SLC9A6: variants seen among roughly 807,000 people sequenced by gnomAD.
SLC9A6 encodes the protein sodium/hydrogen exchanger 6.
SLC9A6 carries 6 observed loss-of-function variants against 45.3 expected under a neutral mutation model. The ratio of observed to expected loss-of-function variants is 0.13; its 90% CI spans 0.07 to 0.26. The LOEUF is 0.26. Ranked by LOEUF, SLC9A6 falls within the 10% of genes least tolerant of loss-of-function variation. SLC9A6 has a pLI of 1.00. For missense variants in SLC9A6, 278 were observed against 503.7 expected (o/e 0.55, Z 4.29); for synonymous variants, 191 against 187.7 (o/e 1.02, Z -0.14).
intron 2 of SLC9A6, among the ~76,000 whole-genome samples, chrX:135,986,038 C>G (rs1232205556): frequency 9.1e-6 from 1 of 109,311 alleles, no homozygotes; most frequent in Non-Finnish European, 1.9e-5. Flanking sequence ...CCTCTCCACA[C>G]CTTTTTCGCT....
At chrX:135,998,306 CT>C (rs2089534024) in intron 4 of SLC9A6, 121 bp downstream of exon 4, 1 of 570,873 alleles carries the variant, frequency 1.8e-6, no homozygotes, top group Non-Finnish European at 2.9e-6. Flanking sequence ...TCTCCTTATC[CT>C]TTTTAGATGC....
intron 3 of SLC9A6, among the ~76,000 whole-genome samples, 195 bp downstream of exon 3, chrX:135,995,180 T>G (rs1347801158): frequency 8.9e-6 from 1 of 112,455 alleles, no homozygotes; most frequent in Admixed American, 9.4e-5. Context: ...TGATTGAGGT[T>G]AAGTAGTATA....
At position 136,033,478 on chromosome X, in the gene SLC9A6, A is replaced by T; in HGVS notation, c.1646A>T (p.Tyr549Phe). 8.6e-7 allele frequency: 1 copy of T among 1,164,180 alleles called. No homozygotes were observed. Among genetic ancestry groups the T allele is most frequent in the Non-Finnish European group, 1.2e-6 (1 of 857,319 alleles). ...AGTGCTTGGCTTTTCCGGATGTGGT[A>T]CAACTTTGATCATAAGTATCCTTAA... ...AESAWLFRMW[Y>F]NFDHNYLKPL... Residue 549 changes from tyrosine (Y) to phenylalanine (F), a missense_variant, in exon 16 of 18, where the codon TAC (tyrosine) becomes TTC (phenylalanine). Around this residue, in one of 5 missense-constraint regions of SLC9A6, gnomAD observed 91 missense variants for 125.1 expected, o/e 0.73. Coordinates refer to ENST00000630721, the MANE Select transcript of SLC9A6 (RefSeq NM_001379110.1).
intron 6 of SLC9A6, among the ~76,000 whole-genome samples, chrX:136,001,436 T>C (rs958608747): frequency 4.5e-5 from 5 of 111,111 alleles, no homozygotes; most frequent in Admixed American, 9.7e-5. Flanking sequence ...TGTGACTTAG[T>C]AATTAAAGTT....
intron 16 of SLC9A6, among the ~76,000 whole-genome samples, chrX:136,039,694 C>T (rs1448731915): frequency 8.9e-6 from 1 of 112,155 alleles, no homozygotes; most frequent in African/African-American, 3.2e-5. Context: ...TCTCCCTTAT[C>T]TCCTGTAGTG....
rs1264299738 is a variant in SLC9A6, at chrX:135,994,802, T to C, written c.186T>C (p.Leu62=). Residue 62 remains leucine, a synonymous_variant, in exon 3 of 18, where the codon CTT becomes CTC. Coordinates refer to ENST00000630721, the MANE Select transcript of SLC9A6 (RefSeq NM_001379110.1). The part of the protein sequence containing the change: ...LAMIYGLLVG[L]VLRYGIHVPS... ...TTTTTCCAGGTCTTTTGGTGGGCCT[T>C]GTGCTTCGGTATGGCATTCATGTTC... The C allele has an allele frequency of 5.8e-6, 7 of 1,209,629 alleles. No individual in the cohort carries two copies. Among genetic ancestry groups the C allele is most frequent in the Non-Finnish European group, 7.8e-6 (7 of 895,075 alleles).
chrX:136,013,557 G>T (rs2070963556), intron 10 of SLC9A6, 120 bp downstream of exon 10: 1 of 497,913 alleles, frequency 2.0e-6, no homozygotes, highest in Non-Finnish European at 3.3e-6. Flanking sequence ...ACTCATTTTG[G>T]CTCCTCTTCC....
upstream of SLC9A6, among the ~76,000 whole-genome samples, chrX:135,984,965 C>T (rs782789141): frequency 9.1e-6 from 1 of 109,782 alleles, no homozygotes; most frequent in African/African-American, 3.3e-5. Context: ...TGAACTGCTA[C>T]AGTGCTCTGT....
intron 15 of SLC9A6, among the ~76,000 whole-genome samples, chrX:136,032,774 A>G (rs2071348203): frequency 8.9e-6 from 1 of 112,587 alleles, no homozygotes; most frequent in Non-Finnish European, 1.9e-5. Context: ...ACTCCCAAAT[A>G]TAGGGATGTT....
intron 16 of SLC9A6, among the ~76,000 whole-genome samples, chrX:136,034,409 G>A (rs2148203134): frequency 9.0e-6 from 1 of 111,321 alleles, no homozygotes; most frequent in South Asian, 3.8e-4. Context: ...CCACAAAACC[G>A]GTCCCTGGTG....
In SLC9A6 at chrX:135,991,531, T is replaced by C. The variant is rs182955930; in HGVS notation, c.170-3255T>C. Among the ~76,000 whole-genome samples, 151 of 111,181 alleles carry C rather than the reference T, an allele frequency of 1.4e-3. 1 individual carries two copies. The highest frequency in any genetic ancestry group is 4.6e-3 in the African/African-American group (140 of 30,596). On this transcript the variant is annotated intron_variant, in intron 2 of 17. Transcript: ENST00000630721. ...CCTCGGCCTCCCAAAGTGCTAGGATTACACGTGAGCCACTGCGCCCGGCTG... is the reference window on the plus strand; with the variant it reads ...CCTCGGCCTCCCAAAGTGCTAGGATCACACGTGAGCCACTGCGCCCGGCTG...
At chrX:135,976,244 G>C (rs2089261930) in intron 1 of SLC9A6, among the ~76,000 whole-genome samples, 1 of 111,569 alleles carries the variant, frequency 9.0e-6, no homozygotes, top group Admixed American at 9.6e-5. Flanking sequence ...TAATCTCTCT[G>C]TAGTTGACAG....
intron 2 of SLC9A6, among the ~76,000 whole-genome samples, chrX:135,987,340 C>A (rs192107926): frequency 5.4e-4 from 61 of 112,191 alleles, no homozygotes; most frequent in African/African-American, 1.9e-3. Context: ...GTTGATAAAC[C>A]TTCTATGTAT....
chrX:135,994,993 C>T lies in SLC9A6; in HGVS notation c.369+8C>T, dbSNP rs782033049. 8.9e-7 allele frequency: 1 copy of T among 1,128,240 alleles called. No individual in the cohort carries two copies. The highest frequency in any genetic ancestry group is 1.8e-5 in the South Asian group (1 of 54,636). The allele number at this position is 1,128,240 out of a possible 1,213,427, so 93.0% of individuals were successfully genotyped here. A position where few individuals can be genotyped will look rare whatever the true frequency, so the allele number is the denominator to read the frequency against. Reference sequence around the variant, plus strand: ...AATGAAATGCTTAGAAAGGTAAGTTCTTAAAGGAAATCTTTGAATCTTTTT... The same window carrying T: ...AATGAAATGCTTAGAAAGGTAAGTTTTTAAAGGAAATCTTTGAATCTTTTT... On this transcript the variant is annotated splice_region_variant and intron_variant, in intron 3 of 17. Transcript: ENST00000630721.
chrX:136,010,564 C>G lies in SLC9A6; in HGVS notation c.866C>G (p.Thr289Ser). ...FSGSFAMGAA[T>S]GVVTALVTKF... ...GGATCTTTTGCAATGGGTGCTGCTA[C>G]TGGAGTGGTGACAGCTTTAATATCC... Residue 289 changes from threonine (T) to serine (S), a missense_variant, in exon 8 of 18, where the codon ACT (threonine) becomes AGT (serine). Physicochemically the swap from Thr to Ser is moderately conservative, Grantham distance 58. Transcript: ENST00000630721. 1 of 1,210,381 alleles carries G rather than the reference C, an allele frequency of 8.3e-7. No homozygotes were observed. Among genetic ancestry groups the G allele is most frequent in the South Asian group, 1.8e-5 (1 of 56,954 alleles).
chrX:135,997,189 G>A (rs1316674044), intron 3 of SLC9A6, among the ~76,000 whole-genome samples: 5 of 109,267 alleles, frequency 4.6e-5, no homozygotes, highest in East Asian at 2.9e-4. Flanking sequence ...CCCAAGTAGC[G>A]GGGATTACAG....
At chrX:135,996,384 T>C (rs367947641) in intron 3 of SLC9A6, among the ~76,000 whole-genome samples, 21 of 111,312 alleles carry the variant, frequency 1.9e-4, no homozygotes, top group African/African-American at 6.5e-4. Flanking sequence ...CATATGAACT[T>C]GAGGTTTACC....
chrX:136,000,976 C>A (rs782108603), intron 6 of SLC9A6, among the ~76,000 whole-genome samples: 2 of 109,440 alleles, frequency 1.8e-5, no homozygotes, highest in African/African-American at 6.8e-5. Flanking sequence ...CAAAGCAAGA[C>A]CCTGTCTCTT....
chrX:136,000,996 T>G (rs1270703348), intron 6 of SLC9A6, among the ~76,000 whole-genome samples: 2 of 109,915 alleles, frequency 1.8e-5, no homozygotes, highest in Non-Finnish European at 3.8e-5. Context: ...TAAAAAAAAT[T>G]AAATAAATAA....
Sources: gnomAD v4.1 joint callset for allele counts (sites outside exome capture counted in the v4.1 genomes callset) on GRCh38, gnomAD v4.1.1 for gene constraint, gnomAD v4.1.1 regional missense constraint, MANE v1.5 for transcripts, NCBI Gene and HGNC (gene_info 2026-07-23, HGNC 2026-07-21) for gene names.